Variants in CROT observed in about 807,000 individuals in gnomAD.
The protein encoded by CROT is peroxisomal carnitine O-octanoyltransferase.
CROT carries 84 observed loss-of-function variants against 89.2 expected under a neutral mutation model. The ratio of observed to expected loss-of-function variants is 0.94; its 90% CI spans 0.79 to 1.13. The LOEUF is 1.13. Ranked by LOEUF, CROT falls within the 50% of genes most tolerant of loss-of-function variation. The pLI, the probability that CROT is intolerant of heterozygous loss-of-function variation, is 0.00. For synonymous variants in CROT, 212 were observed against 239.5 expected (o/e 0.89, Z 1.06); for missense variants, 711 against 727.8 (o/e 0.98, Z 0.27).
At chr7:87,357,648 G>C in intron 3 of CROT, 1 of 742,518 alleles carries the variant, frequency 1.3e-6, no homozygotes, top group Admixed American at 2.1e-5. Context: ...CCATTGCGGA[G>C]TAGAGCGTCC....
At position 87,398,938 on chromosome 7, in the gene CROT, A is replaced by C; in HGVS notation, c.*294A>C. On this transcript the variant is annotated 3_prime_UTR_variant, in exon 18 of 18. Transcript: ENST00000331536. ...CAATCCAAATCTACAAACTTTAACA[A>C]TGCAAGTCTTACTCTAATTTTTAAG... is the stretch of plus-strand genomic sequence containing the variant. 3.5e-6 allele frequency: 1 copy of C among 286,516 alleles called. No individual in the cohort carries two copies. The highest frequency in any genetic ancestry group is 6.5e-6 in the Non-Finnish European group (1 of 153,762). The allele number at this position is 286,516 out of a possible 1,614,324, so 17.7% of individuals were successfully genotyped here.
intron 6 of CROT, among the ~76,000 whole-genome samples, chr7:87,363,464 T>G (rs1353483027): frequency 6.6e-6 from 1 of 152,140 alleles, no homozygotes; most frequent in African/African-American, 2.4e-5. Context: ...TTAGTTCACT[T>G]TTGTTGTTGT....
chr7:87,379,144 C>T (rs1806908614), intron 10 of CROT, among the ~76,000 whole-genome samples: 1 of 152,124 alleles, frequency 6.6e-6, no homozygotes, highest in Non-Finnish European at 1.5e-5. Context: ...CCCCTGGCTT[C>T]TTCCCTTCAT....
At chr7:87,365,902 G>T (rs1263734954) in intron 6 of CROT, among the ~76,000 whole-genome samples, 1 of 152,098 alleles carries the variant, frequency 6.6e-6, no homozygotes, top group Non-Finnish European at 1.5e-5. Context: ...ACAGCACCTG[G>T]CCTGTTGTTT....
intron 14 of CROT, 67 bp downstream of exon 14, chr7:87,391,779 G>C: frequency 2.2e-5 from 32 of 1,486,492 alleles, no homozygotes; most frequent in Non-Finnish European, 2.8e-5. Context: ...CGTGGTCTTT[G>C]AGTAACTAAC....
chr7:87,397,897 T>C (rs1480365525), intron 17 of CROT, among the ~76,000 whole-genome samples: 1 of 152,236 alleles, frequency 6.6e-6, no homozygotes, highest in Non-Finnish European at 1.5e-5. Context: ...CTATAGAAAC[T>C]TCTGTCTGTA....
rs182846102 is a variant in CROT at position 87,358,469 on chromosome 7, G to A, written c.116-737G>A. On this transcript the variant is annotated intron_variant, in intron 3 of 17. Transcript: ENST00000331536. ...TGCACTCCAGCCTGGGCGACAGAGCGAGACTCCATCTCAAAAAAAAAAAAA... is the reference window on the plus strand; with the variant it reads ...TGCACTCCAGCCTGGGCGACAGAGCAAGACTCCATCTCAAAAAAAAAAAAA... Among the ~76,000 whole-genome samples, 144 of 110,122 alleles carry A rather than the reference G, an allele frequency of 1.3e-3. 2 individuals carry two copies. Among genetic ancestry groups the A allele is most frequent in the African/African-American group, 4.6e-3 (129 of 27,970 alleles). 72.2% of individuals were successfully genotyped at this position (110,122 alleles called of 152,430 possible). A position where few individuals can be genotyped will look rare whatever the true frequency, so the allele number is the denominator to read the frequency against.
chr7:87,386,113 G>T (rs1807174686), intron 13 of CROT, among the ~76,000 whole-genome samples: 1 of 152,158 alleles, frequency 6.6e-6, no homozygotes, highest in Admixed American at 6.5e-5. Flanking sequence ...CTGGGATACT[G>T]CTCTGTAGTT....
intron 6 of CROT, among the ~76,000 whole-genome samples, chr7:87,363,218 T>C (rs1806336012): frequency 6.6e-6 from 1 of 152,176 alleles, no homozygotes; most frequent in African/African-American, 2.4e-5. Context: ...TCTCTTGATA[T>C]GGTGATTGAA....
At chr7:87,359,122 T>C in intron 3 of CROT, 84 bp from the exon 4 acceptor site, 3 of 931,602 alleles carry the variant, frequency 3.2e-6, no homozygotes, top group Non-Finnish European at 5.2e-6. Context: ...TATCTGAGTC[T>C]TAAGATTTGC....
intron 10 of CROT, among the ~76,000 whole-genome samples, chr7:87,379,658 C>T (rs146593975): frequency 1.6e-3 from 241 of 152,232 alleles, no homozygotes; most frequent in Middle Eastern, 3.4e-3. Flanking sequence ...TTATAGTGTG[C>T]GGACATGTTT....
At chr7:87,361,357 G>A (rs775665102) in intron 4 of CROT, 33 bp from the exon 5 acceptor site, 1 of 1,586,262 alleles carries the variant, frequency 6.3e-7, no homozygotes, top group Non-Finnish European at 8.6e-7. Flanking sequence ...GTATTATGAA[G>A]AACATTAAGC....
intron 3 of CROT, chr7:87,357,555 G>T: frequency 6.9e-7 from 1 of 1,445,166 alleles, no homozygotes; most frequent in Non-Finnish European, 9.5e-7. Flanking sequence ...GATGCTAAGA[G>T]AGGGTTCTTG....
At chr7:87,393,266 C>T (rs1807426437) in intron 17 of CROT, among the ~76,000 whole-genome samples, 199 bp downstream of exon 17, 1 of 152,050 alleles carries the variant, frequency 6.6e-6, no homozygotes, top group South Asian at 2.1e-4. Flanking sequence ...TCAGATTAGT[C>T]CCTTAGGTGT....
At chr7:87,376,098 A>T (rs974770983) in intron 9 of CROT, 145 bp downstream of exon 9, 1 of 664,222 alleles carries the variant, frequency 1.5e-6, no homozygotes, top group East Asian at 2.9e-5. Context: ...TGCCAAATTG[A>T]AGCTTATAAA....
intron 3 of CROT, among the ~76,000 whole-genome samples, chr7:87,355,751 G>A (rs1199123175): frequency 2.0e-5 from 3 of 152,268 alleles, no homozygotes; most frequent in African/African-American, 7.2e-5. Context: ...CCAACTCTGG[G>A]TGGGGCCTCT....
intron 3 of CROT, among the ~76,000 whole-genome samples, chr7:87,357,966 C>G (rs1301679906): frequency 6.6e-6 from 1 of 152,124 alleles, no homozygotes; most frequent in African/African-American, 2.4e-5. Flanking sequence ...TAAATATCTT[C>G]TTAATGTGGG....
intron 6 of CROT, among the ~76,000 whole-genome samples, chr7:87,362,591 C>T (rs145743191): frequency 1.3e-5 from 2 of 152,112 alleles, no homozygotes; most frequent in African/African-American, 2.4e-5. Context: ...CCACCATGCC[C>T]GGCTTGGAGT....
At chr7:87,347,031 C>G (rs1384914124) in intron 2 of CROT, among the ~76,000 whole-genome samples, 1 of 152,200 alleles carries the variant, frequency 6.6e-6, no homozygotes, top group African/African-American at 2.4e-5. Flanking sequence ...TCAGCCTGAG[C>G]CTCTTTCAGT....
Sources: allele counts gnomAD v4.1 joint callset (sites outside exome capture counted in the v4.1 genomes callset), GRCh38; gene constraint gnomAD v4.1.1; transcripts MANE v1.5; gene names NCBI Gene and HGNC (gene_info 2026-07-23, HGNC 2026-07-21).